The following GABRA3 variants were observed in gnomAD, a reference collection of about 807,000 sequenced individuals.
GABRA3 encodes gamma-aminobutyric acid type A receptor subunit alpha3, also known as gamma-aminobutyric acid receptor subunit alpha-3.
GABRA3 carries 10 observed loss-of-function variants against 30.1 expected under a neutral mutation model. That is an observed-to-expected ratio of 0.33 (90% CI 0.20 to 0.56). The LOEUF (loss-of-function observed/expected upper bound fraction) is 0.56, where lower values mean the gene tolerates loss of function less well. Among genes scored for constraint, GABRA3 ranks in the 20% least tolerant of loss-of-function variants. The pLI is 0.89. For synonymous variants in GABRA3, 151 were observed against 146.8 expected (o/e 1.03, Z -0.21); for missense variants, 233 against 392.0 (o/e 0.59, Z 3.42).
At chrX:152,170,373 G>A (rs1429162299) in intron 9 of GABRA3, among the ~76,000 whole-genome samples, 2 of 112,650 alleles carry the variant, frequency 1.8e-5, no homozygotes, top group Non-Finnish European at 3.8e-5. Flanking sequence ...GGTGGGCCTT[G>A]TGTAAACATA....
intron 1 of GABRA3, among the ~76,000 whole-genome samples, chrX:152,430,997 T>G (rs143510202): frequency 0.021 from 2,303 of 111,607 alleles, 30 homozygotes; most frequent in Non-Finnish European, 0.029. Context: ...AGGCTTTTTT[T>G]GAAAGTCAAC....
chrX:152,331,784 CCT>C (rs1256152334), intron 3 of GABRA3, among the ~76,000 whole-genome samples: 1 of 111,621 alleles, frequency 9.0e-6, no homozygotes, highest in Non-Finnish European at 1.9e-5. Flanking sequence ...ACTAAAGTCT[CCT>C]CTCAGTCCAA....
intron 5 of GABRA3, among the ~76,000 whole-genome samples, chrX:152,239,284 T>C (rs1938301965): frequency 9.4e-6 from 1 of 106,807 alleles, no homozygotes; most frequent in Non-Finnish European, 1.9e-5. Context: ...GTTGTTCAGT[T>C]TCCATGTAGT....
chrX:152,194,076 C>T (rs1259832696), intron 8 of GABRA3, among the ~76,000 whole-genome samples: 2 of 112,309 alleles, frequency 1.8e-5, no homozygotes, highest in African/African-American at 6.5e-5. Flanking sequence ...AACATTTTAT[C>T]TCCATATACC....
chrX:152,202,881 A>G (rs1937503008), intron 7 of GABRA3, among the ~76,000 whole-genome samples: 2 of 112,762 alleles, frequency 1.8e-5, no homozygotes, highest in Admixed American at 9.4e-5. Context: ...GAGCAGCAAC[A>G]TTTACCTCCT....
chrX:152,214,193 A>G (rs1405240770), intron 6 of GABRA3, among the ~76,000 whole-genome samples: 1 of 111,612 alleles, frequency 9.0e-6, no homozygotes, highest in African/African-American at 3.3e-5. Flanking sequence ...TTTATGAGCT[A>G]TATCACTTAG....
chrX:152,382,407 G>C (rs762790516), intron 1 of GABRA3, among the ~76,000 whole-genome samples: 13 of 112,195 alleles, frequency 1.2e-4, no homozygotes, highest in South Asian at 3.7e-4. Context: ...AATATCATTT[G>C]ACCCAGCAAT....
At chrX:152,294,886 C>G (rs1939497122) in intron 3 of GABRA3, among the ~76,000 whole-genome samples, 1 of 111,056 alleles carries the variant, frequency 9.0e-6, no homozygotes, top group South Asian at 3.9e-4. Flanking sequence ...ACAGTCAGGT[C>G]TGTTGGCGTT....
At chrX:152,195,178 G>A (rs1049888076) in intron 8 of GABRA3, among the ~76,000 whole-genome samples, 1 of 111,672 alleles carries the variant, frequency 9.0e-6, no homozygotes, top group Non-Finnish European at 1.9e-5. Context: ...TCACATCAAT[G>A]CAATTAATGT....
intron 1 of GABRA3, among the ~76,000 whole-genome samples, chrX:152,381,538 T>C (rs1161026837): frequency 8.9e-6 from 1 of 111,889 alleles, no homozygotes; most frequent in Non-Finnish European, 1.9e-5. Flanking sequence ...AGCATTTATT[T>C]AGTCATATTG....
intron 3 of GABRA3, among the ~76,000 whole-genome samples, chrX:152,317,369 G>C (rs1330835605): frequency 9.0e-6 from 1 of 111,512 alleles, no homozygotes. Context: ...CACAATAATA[G>C]TGAGGGACTT....
chrX:152,179,494 A>G (rs749909345), intron 9 of GABRA3, among the ~76,000 whole-genome samples: 1 of 106,566 alleles, frequency 9.4e-6, no homozygotes, highest in Admixed American at 1.0e-4. Context: ...CTGTGAGTTC[A>G]ATTTTTTTTT....
intron 7 of GABRA3, among the ~76,000 whole-genome samples, chrX:152,198,158 A>G (rs1219170726): frequency 8.9e-6 from 1 of 112,419 alleles, no homozygotes; most frequent in Non-Finnish European, 1.9e-5. Flanking sequence ...CCTATGAGGT[A>G]GGTACTATTG....
chrX:152,444,787 C>A (rs1201751007), intron 1 of GABRA3, among the ~76,000 whole-genome samples: 1 of 75,476 alleles, frequency 1.3e-5, no homozygotes, highest in Admixed American at 2.0e-4. Context: ...TTTGGCCGGG[C>A]GCGGTGGCTC....
chrX:152,194,736 T>G (rs1258677720), intron 8 of GABRA3, among the ~76,000 whole-genome samples: 6 of 111,429 alleles, frequency 5.4e-5, no homozygotes, highest in Non-Finnish European at 1.1e-4. Context: ...TCCATATATA[T>G]GGCTGTATTT....
intron 7 of GABRA3, among the ~76,000 whole-genome samples, chrX:152,205,663 T>G (rs1937531406): frequency 8.9e-6 from 1 of 111,959 alleles, no homozygotes; most frequent in Admixed American, 9.5e-5. Flanking sequence ...ATAATAAATG[T>G]GTGGTGTGTT....
intron 9 of GABRA3, among the ~76,000 whole-genome samples, chrX:152,182,399 GTATA>G (rs1239769608): frequency 2.3e-5 from 2 of 87,626 alleles, no homozygotes; most frequent in Non-Finnish European, 4.4e-5. Context: ...ATATACACTA[GTATA>G]TATAGACACA....
chrX:152,219,898 C>A (rs67564363), intron 6 of GABRA3, among the ~76,000 whole-genome samples: 11,061 of 110,706 alleles, frequency 0.1, 1,141 homozygotes, highest in East Asian at 0.32. Flanking sequence ...GAAGCAAAAT[C>A]AATCCTTAAA....
At chrX:152,399,334 C>T (rs935416310) in intron 1 of GABRA3, among the ~76,000 whole-genome samples, 2 of 111,166 alleles carry the variant, frequency 1.8e-5, no homozygotes, top group Admixed American at 1.9e-4. Context: ...GAAAGAAATG[C>T]TAATTATTAT....
Sources: gnomAD v4.1 joint callset for allele counts (sites outside exome capture counted in the v4.1 genomes callset) on GRCh38, gnomAD v4.1.1 for gene constraint, MANE v1.5 for transcripts, NCBI Gene and HGNC (gene_info 2026-07-23, HGNC 2026-07-21) for gene names.